SRGAP2: variants seen among roughly 807,000 people sequenced by gnomAD.
The protein encoded by SRGAP2 is SLIT-ROBO Rho GTPase activating protein 2, also known as SLIT-ROBO Rho GTPase-activating protein 2.
In SRGAP2, 15 loss-of-function variants were observed where a neutral mutation model predicts 57.2. The observed-to-expected ratio is 0.26, with a 90% CI of 0.18 to 0.40. The LOEUF is 0.40. Ranked by LOEUF, SRGAP2 falls within the 10% of genes least tolerant of loss-of-function variation. The pLI is 1.00. For missense variants in SRGAP2, 520 were observed against 669.6 expected (o/e 0.78, Z 2.47); for synonymous variants, 249 against 248.0 (o/e 1.00, Z -0.04).
At chr1:206,380,405 C>T (rs1572005218) in intron 4 of SRGAP2, among the ~76,000 whole-genome samples, 3 of 149,092 alleles carry the variant, frequency 2.0e-5, no homozygotes. Context: ...CCAGCCTGAG[C>T]ACACCATCAC....
chr1:206,340,838 AAATT>A (rs1571902433), intron 3 of SRGAP2, among the ~76,000 whole-genome samples: 1 of 149,386 alleles, frequency 6.7e-6, no homozygotes, highest in African/African-American at 2.5e-5. Context: ...TGAAAGGAGT[AAATT>A]AATTATGTGT....
At chr1:206,363,392 T>TA (rs1677051907) in intron 4 of SRGAP2, among the ~76,000 whole-genome samples, 1 of 151,922 alleles carries the variant, frequency 6.6e-6, no homozygotes, top group African/African-American at 2.4e-5. Context: ...CCCCAAATGT[T>TA]AAAATCCCAT....
At chr1:206,397,214 T>C (rs2580568) in intron 7 of SRGAP2, among the ~76,000 whole-genome samples, 12,959 of 151,154 alleles carry the variant, frequency 0.086, 1,195 homozygotes, top group African/African-American at 0.23. Context: ...GCATCTTTTG[T>C]CAGCATGATG....
At chr1:206,378,353 A>C (rs1482611429) in intron 4 of SRGAP2, among the ~76,000 whole-genome samples, 7 of 152,284 alleles carry the variant, frequency 4.6e-5, no homozygotes, top group Non-Finnish European at 8.8e-5. Context: ...GTTGGTACAC[A>C]TCTGTCGTCC....
chr1:206,413,581 A>G (rs1414558329), intron 10 of SRGAP2, among the ~76,000 whole-genome samples: 1 of 152,216 alleles, frequency 6.6e-6, no homozygotes, highest in Non-Finnish European at 1.5e-5. Flanking sequence ...TTTAATTTAG[A>G]GAGTACGGGC....
At chr1:206,209,918 A>C (rs1282309263) in intron 2 of SRGAP2, among the ~76,000 whole-genome samples, 1 of 119,250 alleles carries the variant, frequency 8.4e-6, no homozygotes, top group Non-Finnish European at 1.6e-5. Context: ...TATTATTTTA[A>C]ATTGTTGTAT....
chr1:206,444,100 G>A (rs1553372984), intron 17 of SRGAP2, among the ~76,000 whole-genome samples: 1 of 151,194 alleles, frequency 6.6e-6, no homozygotes, highest in East Asian at 1.9e-4. Context: ...TGAGGCAGGA[G>A]AATCACTTGA....
intron 2 of SRGAP2, among the ~76,000 whole-genome samples, chr1:206,268,391 C>G (rs1350687405): frequency 2.7e-5 from 4 of 150,082 alleles, no homozygotes; most frequent in African/African-American, 9.8e-5. Context: ...TCATCCATGT[C>G]CCTACAAAGG....
At chr1:206,452,885 C>CAA (rs1166978056) in intron 19 of SRGAP2, among the ~76,000 whole-genome samples, 3,986 of 60,988 alleles carry the variant, frequency 0.065, 170 homozygotes, top group African/African-American at 0.17. Context: ...GACTCCATCC[C>CAA]AAAAAAAAAA....
chr1:206,357,704 C>T (rs575440079), intron 4 of SRGAP2, among the ~76,000 whole-genome samples: 78 of 151,026 alleles, frequency 5.2e-4, no homozygotes, highest in African/African-American at 1.9e-3. Flanking sequence ...GTGCCTCAGC[C>T]TCCCGAGTAG....
At chr1:206,436,171 G>GGGA (rs1431487037) in intron 14 of SRGAP2, among the ~76,000 whole-genome samples, 1 of 152,068 alleles carries the variant, frequency 6.6e-6, no homozygotes, top group African/African-American at 2.4e-5. Context: ...ATGTGGTCCA[G>GGGA]GGAAGCCAAA....
At chr1:206,242,139 C>T (rs115893987) in intron 2 of SRGAP2, among the ~76,000 whole-genome samples, 2,749 of 151,988 alleles carry the variant, frequency 0.018, 42 homozygotes, top group African/African-American at 0.041. Flanking sequence ...CTCCCATCCA[C>T]CAGTAGACAT....
chr1:206,447,475 C>G (rs965276403), intron 18 of SRGAP2, among the ~76,000 whole-genome samples: 10 of 152,216 alleles, frequency 6.6e-5, no homozygotes, highest in African/African-American at 2.4e-4. Context: ...TCATCCCTCT[C>G]TGCTGTACTG....
intron 14 of SRGAP2, among the ~76,000 whole-genome samples, chr1:206,435,963 C>G (rs11805438): frequency 0.018 from 2,693 of 152,266 alleles, 85 homozygotes; most frequent in African/African-American, 0.059. Flanking sequence ...AGTCAGGAAC[C>G]AGTGCCTAGC....
chr1:206,239,717 C>T (rs1315641918), intron 2 of SRGAP2, among the ~76,000 whole-genome samples: 7 of 151,122 alleles, frequency 4.6e-5, no homozygotes, highest in Non-Finnish European at 7.4e-5. Flanking sequence ...CTCAGCCTCC[C>T]GAAGTGCTGG....
At chr1:206,292,151 CATAACTATGTGAAGCT>C (rs1164208663) in intron 2 of SRGAP2, among the ~76,000 whole-genome samples, 3 of 152,180 alleles carry the variant, frequency 2.0e-5, no homozygotes, top group African/African-American at 7.2e-5. Context: ...GACATCTTCA[CATAACTATGTGAAGCT>C]ACTGCATCTC....
At chr1:206,425,085 A>G (rs1553365849) in intron 13 of SRGAP2, among the ~76,000 whole-genome samples, 1 of 152,206 alleles carries the variant, frequency 6.6e-6, no homozygotes, top group Non-Finnish European at 1.5e-5. Context: ...CCTGCAGGCC[A>G]AATTTTGTAC....
intron 5 of SRGAP2, among the ~76,000 whole-genome samples, chr1:206,386,910 G>T (rs1458496407): frequency 1.3e-5 from 2 of 151,674 alleles, no homozygotes; most frequent in Non-Finnish European, 2.9e-5. Context: ...GGATCATGAG[G>T]TCAGGAGATC....
intron 3 of SRGAP2, among the ~76,000 whole-genome samples, chr1:206,309,109 T>G (rs1174271936): frequency 2.2e-5 from 3 of 138,812 alleles, no homozygotes; most frequent in Non-Finnish European, 3.1e-5. Flanking sequence ...GAGCCTACAG[T>G]GAGCTATGAC....
Sources: gnomAD v4.1 joint callset for allele counts (sites outside exome capture counted in the v4.1 genomes callset) on GRCh38, gnomAD v4.1.1 for gene constraint, MANE v1.5 for transcripts, NCBI Gene and HGNC (gene_info 2026-07-23, HGNC 2026-07-21) for gene names.